HECW1: variants seen among roughly 807,000 people sequenced by gnomAD.
HECW1 encodes E3 ubiquitin-protein ligase HECW1.
In HECW1, 61 loss-of-function variants were observed where a neutral mutation model predicts 182.3. That is an observed-to-expected ratio of 0.33 (90% CI 0.27 to 0.41). The LOEUF (loss-of-function observed/expected upper bound fraction) is 0.41, where lower values mean the gene tolerates loss of function less well. HECW1 is among the 10% of genes least tolerant of loss of function. The probability of loss-of-function intolerance (pLI) is 1.00; values close to 1 mark genes in which losing one functional copy is unlikely to be tolerated. For synonymous variants in HECW1, 859 were observed against 832.6 expected (o/e 1.03, Z -0.55); for missense variants, 1,739 against 2,108.9 (o/e 0.82, Z 3.44).
At chr7:43,116,402 G>A (rs1381152335) in intron 2 of HECW1, among the ~76,000 whole-genome samples, 1 of 152,172 alleles carries the variant, frequency 6.6e-6, no homozygotes, top group Non-Finnish European at 1.5e-5. Flanking sequence ...TCTAAGTCCT[G>A]GTTCTATCAA....
At chr7:43,358,818 C>CTTTT (rs572118397) in intron 5 of HECW1, among the ~76,000 whole-genome samples, 15 of 93,450 alleles carry the variant, frequency 1.6e-4, no homozygotes, top group East Asian at 3.0e-4. Context: ...AAAATATATT[C>CTTTT]TTTTTTTTTT....
intron 2 of HECW1, among the ~76,000 whole-genome samples, chr7:43,180,251 G>GTTGCCCAGGATTACTTTCACTGC (rs1554299991): frequency 6.6e-6 from 1 of 152,194 alleles, no homozygotes; most frequent in South Asian, 2.1e-4. Context: ...TGGCTCCTGG[G>GTTGCCCAGGATTACTTTCACTGC]ACAAGCTGTG....
intron 3 of HECW1, among the ~76,000 whole-genome samples, chr7:43,266,528 G>A (rs980481818): frequency 6.6e-6 from 1 of 152,062 alleles, no homozygotes; most frequent in Non-Finnish European, 1.5e-5. Flanking sequence ...TAGAGACGGA[G>A]TTTCACCATC....
intron 2 of HECW1, among the ~76,000 whole-genome samples, chr7:43,190,083 ATTTTTG>A (rs776959874): frequency 2.1e-4 from 19 of 89,714 alleles, no homozygotes; most frequent in African/African-American, 4.9e-4. Flanking sequence ...AGCTGTGGAA[ATTTTTG>A]TTGTTGTTGT....
chr7:43,327,961 ATATTATTATTAT>A (rs4049927), intron 5 of HECW1, among the ~76,000 whole-genome samples: 3 of 146,200 alleles, frequency 2.1e-5, no homozygotes, highest in East Asian at 2.0e-4. Context: ...TGAACCATTT[ATATTATTATTAT>A]TATTATTATT....
At chr7:43,461,939 G>A (rs149483808) in intron 13 of HECW1, among the ~76,000 whole-genome samples, 168 of 152,304 alleles carry the variant, frequency 1.1e-3, no homozygotes, top group Middle Eastern at 3.4e-3. Flanking sequence ...TAAAGAACTC[G>A]TTAGAAATGC....
chr7:43,321,257 GTTTC>G (rs902837625), intron 5 of HECW1, among the ~76,000 whole-genome samples: 42 of 152,282 alleles, frequency 2.8e-4, no homozygotes, highest in African/African-American at 1.0e-3. Flanking sequence ...CTACCAGCCT[GTTTC>G]TTTGATTTTT....
intron 3 of HECW1, among the ~76,000 whole-genome samples, chr7:43,273,212 G>T (rs191926080): frequency 1.3e-5 from 2 of 152,182 alleles, no homozygotes; most frequent in Admixed American, 1.3e-4. Flanking sequence ...AAAACTAATT[G>T]CTGGGTACAA....
At chr7:43,483,621 T>A (rs1003023554) in intron 17 of HECW1, among the ~76,000 whole-genome samples, 8 of 147,202 alleles carry the variant, frequency 5.4e-5, no homozygotes, top group African/African-American at 2.0e-4. Context: ...CGATCTCGGC[T>A]CACTGCAACC....
chr7:43,488,281 G>C (rs1401020381), intron 17 of HECW1, among the ~76,000 whole-genome samples: 1 of 148,982 alleles, frequency 6.7e-6, no homozygotes, highest in Admixed American at 6.8e-5. Context: ...CTGCACTCCA[G>C]CCTAGGCAAC....
rs149154335 is a variant in HECW1, at chr7:43,232,277, A to C, written c.-31-11598A>C. Among the ~76,000 whole-genome samples the C allele has an allele frequency of 3.8e-3, 586 of 152,324 alleles. 4 individuals carry two copies. The highest frequency in any genetic ancestry group is 0.013 in the African/African-American group (560 of 41,580). On this transcript the variant is annotated intron_variant, in intron 2 of 29. Coordinates refer to ENST00000395891, the MANE Select transcript of HECW1 (RefSeq NM_015052.5). The stretch of plus-strand genomic sequence containing the variant: ...AGAACCCGTCCTCCACTGGTGAACT[A>C]TAAGAACCCTCCTTCAAAGTAGGTC...
chr7:43,444,155 G>A lies in HECW1; in HGVS notation c.1046-63G>A. 1 of 1,486,376 alleles carries A rather than the reference G, an allele frequency of 6.7e-7. No individual in the cohort carries two copies. The highest frequency in any genetic ancestry group is 2.3e-5 in the East Asian group (1 of 43,856). 92.1% of individuals were successfully genotyped at this position (1,486,376 alleles called of 1,614,324 possible). On this transcript the variant is annotated intron_variant, in intron 10 of 29. Transcript: ENST00000395891. The surrounding 1 kb of genome is among the most constrained non-coding windows in gnomAD (Gnocchi z 4.3). ...TAGTGATGGCTTACATGTCCCACAGGGTATCCTAACACCACAATGCTCTCT... is the reference window on the plus strand; with the variant it reads ...TAGTGATGGCTTACATGTCCCACAGAGTATCCTAACACCACAATGCTCTCT...
intron 26 of HECW1, among the ~76,000 whole-genome samples, chr7:43,544,252 A>G (rs1476586766): frequency 6.6e-6 from 1 of 152,278 alleles, no homozygotes; most frequent in Non-Finnish European, 1.5e-5. Context: ...AATACATAAC[A>G]TAAAGACTAT....
intron 16 of HECW1, among the ~76,000 whole-genome samples, chr7:43,478,025 A>C (rs2152905784): frequency 6.6e-6 from 1 of 152,344 alleles, no homozygotes; most frequent in African/African-American, 2.4e-5. Flanking sequence ...AAAAGGTAAT[A>C]ACTTTCTCTT....
At chr7:43,496,857 A>G (rs1218087788) in intron 19 of HECW1, among the ~76,000 whole-genome samples, 2 of 152,220 alleles carry the variant, frequency 1.3e-5, no homozygotes, top group Non-Finnish European at 2.9e-5. Context: ...TTCAAGGGGC[A>G]TGGAGGTGGT....
intron 6 of HECW1, among the ~76,000 whole-genome samples, chr7:43,383,871 C>G (rs1388026679): frequency 6.6e-6 from 1 of 151,938 alleles, no homozygotes; most frequent in Non-Finnish European, 1.5e-5. Flanking sequence ...TATTATATAC[C>G]ATATTCTTAC....
intron 2 of HECW1, among the ~76,000 whole-genome samples, chr7:43,138,829 T>C (rs1380929366): frequency 6.6e-6 from 1 of 152,022 alleles, no homozygotes; most frequent in Non-Finnish European, 1.5e-5. Flanking sequence ...GGGTGAGAGA[T>C]TTTAAATGTC....
chr7:43,160,221 A>G (rs942375198), intron 2 of HECW1, among the ~76,000 whole-genome samples: 1 of 152,196 alleles, frequency 6.6e-6, no homozygotes, highest in African/African-American at 2.4e-5. Context: ...GATATCCTTT[A>G]TATGTAAAGA....
chr7:43,376,263 G>C (rs1187466154), intron 6 of HECW1, among the ~76,000 whole-genome samples: 1 of 152,046 alleles, frequency 6.6e-6, no homozygotes, highest in Non-Finnish European at 1.5e-5. Flanking sequence ...CATATAAACA[G>C]AAGAAAAATG....
Sources: allele counts gnomAD v4.1 joint callset (sites outside exome capture counted in the v4.1 genomes callset), GRCh38; gene constraint gnomAD v4.1.1; non-coding constraint Gnocchi (gnomAD v3.1); transcripts MANE v1.5; gene names NCBI Gene and HGNC (gene_info 2026-07-23, HGNC 2026-07-21).